The following DLGAP1 variants were observed in gnomAD, a reference collection of about 807,000 sequenced individuals.
DLGAP1 encodes the protein DLG associated protein 1.
In DLGAP1, 11 loss-of-function variants were observed where a neutral mutation model predicts 90.8. The observed-to-expected ratio is 0.12, with a 90% CI of 0.08 to 0.20. DLGAP1 has a LOEUF of 0.20. Ranked by LOEUF, DLGAP1 falls within the 10% of genes least tolerant of loss-of-function variation. DLGAP1 has a pLI of 1.00. For missense variants in DLGAP1, 1,050 were observed against 1,333.8 expected, an observed-to-expected ratio of 0.79 and a Z score of 3.31; for synonymous variants, 558 against 540.7, an observed-to-expected ratio of 1.03 and a Z score of -0.44.
rs71366684 is a variant in DLGAP1 at position 3,567,042 on chromosome 18, T to TTTCATTCA, written c.2057+440_2057+447dup. On this transcript the variant is annotated intron_variant, in intron 9 of 12. Coordinates refer to ENST00000315677, the MANE Select transcript of DLGAP1 (RefSeq NM_004746.4). ...GGATAATGACAGGGAATATCTTCTT[T>TTTCATTCA]TTCATTCATTCATTCATTCATTCAT... is the stretch of plus-strand genomic sequence containing the variant. Among the ~76,000 whole-genome samples the TTTCATTCA allele has an allele frequency of 5.8e-3, 838 of 144,796 alleles. 3 individuals are homozygous for TTTCATTCA. The highest frequency in any genetic ancestry group is 0.015 in the East Asian group (73 of 5,016). 95.0% of individuals were successfully genotyped at this position (144,796 alleles called of 152,430 possible).
At chr18:3,610,629 G>T (rs1208046584) in intron 7 of DLGAP1, among the ~76,000 whole-genome samples, 1 of 151,732 alleles carries the variant, frequency 6.6e-6, no homozygotes, top group Non-Finnish European at 1.5e-5. Flanking sequence ...GAGCCCAGAA[G>T]TTAAAGACCA....
chr18:3,561,170 C>G (rs1214143856), intron 9 of DLGAP1, among the ~76,000 whole-genome samples: 1 of 148,348 alleles, frequency 6.7e-6, no homozygotes, highest in Non-Finnish European at 1.5e-5. Context: ...AATTTCAGCA[C>G]TTTGGGAGGC....
At position 3,703,002 on chromosome 18, in the gene DLGAP1, A is replaced by G. The variant is rs557098012; in HGVS notation, c.1591+26133T>C. 9.9e-5 allele frequency among the ~76,000 whole-genome samples: 15 copies of G among 152,280 alleles called. No homozygotes were observed. The East Asian group carries it at 2.7e-3, about 27-fold the overall frequency. On this transcript the variant is annotated intron_variant, in intron 7 of 12. Coordinates refer to ENST00000315677, the MANE Select transcript of DLGAP1 (RefSeq NM_004746.4). ...GACAAAGGCAAGCAAGGGTCTCTGG[A>G]GTGTTCTCAATTCTGTGAAGGCAGG...
chr18:3,933,681 C>T (rs985959533), intron 3 of DLGAP1, among the ~76,000 whole-genome samples: 10 of 152,204 alleles, frequency 6.6e-5, no homozygotes, highest in Admixed American at 4.6e-4. Context: ...ACCCTTGCAT[C>T]CAGTCCCACC....
At chr18:4,426,965 T>C (rs551888878) in intron 1 of DLGAP1, among the ~76,000 whole-genome samples, 3 of 152,238 alleles carry the variant, frequency 2.0e-5, no homozygotes, top group Non-Finnish European at 2.9e-5. Flanking sequence ...GATATAATTA[T>C]GAACTTACTA....
chr18:4,017,455 T>G (rs1412997455), intron 2 of DLGAP1, among the ~76,000 whole-genome samples: 2 of 152,200 alleles, frequency 1.3e-5, no homozygotes, highest in Non-Finnish European at 2.9e-5. Flanking sequence ...AACAAAAAAG[T>G]TAAAGAAAGT....
chr18:3,955,717 A>G (rs1176430201), intron 3 of DLGAP1, among the ~76,000 whole-genome samples: 1 of 151,812 alleles, frequency 6.6e-6, no homozygotes, highest in African/African-American at 2.4e-5. Flanking sequence ...TCCGTCTCAA[A>G]AAAAAAAAAA....
intron 2 of DLGAP1, among the ~76,000 whole-genome samples, chr18:4,062,490 C>T (rs565992367): frequency 6.6e-6 from 1 of 152,208 alleles, no homozygotes; most frequent in African/African-American, 2.4e-5. Context: ...GAGAAGCTTA[C>T]CCAACTCATA....
intron 10 of DLGAP1, among the ~76,000 whole-genome samples, chr18:3,529,750 A>G (rs754250083): frequency 2.0e-5 from 3 of 152,226 alleles, no homozygotes; most frequent in Non-Finnish European, 2.9e-5. Context: ...GGCGATACCC[A>G]GTTCAGCTTG....
At chr18:3,828,566 G>A (rs960307566) in intron 4 of DLGAP1, among the ~76,000 whole-genome samples, 12 of 147,462 alleles carry the variant, frequency 8.1e-5, no homozygotes, top group South Asian at 6.6e-4. Flanking sequence ...CCTGAGCCTA[G>A]GAGCTGAAGG....
chr18:3,829,933 G>C (rs1419980461), intron 4 of DLGAP1, among the ~76,000 whole-genome samples: 2 of 152,164 alleles, frequency 1.3e-5, no homozygotes, highest in Non-Finnish European at 2.9e-5. Flanking sequence ...AGGGAGACTT[G>C]ATGGGCAGAC....
At chr18:3,680,638 A>T (rs1212154707) in intron 7 of DLGAP1, among the ~76,000 whole-genome samples, 2 of 151,982 alleles carry the variant, frequency 1.3e-5, no homozygotes, top group Non-Finnish European at 2.9e-5. Flanking sequence ...AATACAAAAA[A>T]ATTAGCTGGG....
intron 9 of DLGAP1, among the ~76,000 whole-genome samples, chr18:3,550,776 C>G (rs2053354271): frequency 8.0e-6 from 1 of 124,346 alleles, no homozygotes; most frequent in East Asian, 2.7e-4. Flanking sequence ...GAGTCTCACT[C>G]TGTCGCCCAG....
intron 3 of DLGAP1, among the ~76,000 whole-genome samples, chr18:3,888,769 G>C (rs1049675953): frequency 6.6e-6 from 1 of 152,180 alleles, no homozygotes; most frequent in Admixed American, 6.5e-5. Context: ...TAGGATTTAG[G>C]AGTGATTTTT....
At chr18:4,313,946 A>T (rs2080463230) in intron 1 of DLGAP1, among the ~76,000 whole-genome samples, 1 of 152,202 alleles carries the variant, frequency 6.6e-6, no homozygotes, top group African/African-American at 2.4e-5. Context: ...GGTCATATGG[A>T]GAACTATCCT....
At chr18:4,200,316 T>C (rs1034119304) in intron 1 of DLGAP1, among the ~76,000 whole-genome samples, 1 of 151,932 alleles carries the variant, frequency 6.6e-6, no homozygotes, top group African/African-American at 2.4e-5. Context: ...CATAGATTCT[T>C]TGTAAGTCTT....
intron 10 of DLGAP1, among the ~76,000 whole-genome samples, chr18:3,516,892 C>T (rs2050875911): frequency 6.6e-6 from 1 of 152,208 alleles, no homozygotes; most frequent in Non-Finnish European, 1.5e-5. Flanking sequence ...GATGGGGACA[C>T]AGCCAAACCA....
chr18:4,307,232 C>T (rs1164859721), intron 1 of DLGAP1, among the ~76,000 whole-genome samples: 8 of 152,244 alleles, frequency 5.3e-5, no homozygotes, highest in Non-Finnish European at 1.2e-4. Flanking sequence ...AATTGAAAGT[C>T]TTAGCATTGA....
intron 8 of DLGAP1, among the ~76,000 whole-genome samples, chr18:3,569,482 T>C (rs912038377): frequency 6.6e-6 from 1 of 152,034 alleles, no homozygotes; most frequent in African/African-American, 2.4e-5. Flanking sequence ...TTATCATGTG[T>C]CTTTTAAACT....
Sources: allele counts gnomAD v4.1 joint callset (sites outside exome capture counted in the v4.1 genomes callset), GRCh38; gene constraint gnomAD v4.1.1; transcripts MANE v1.5; gene names NCBI Gene and HGNC (gene_info 2026-07-23, HGNC 2026-07-21).